Variants in TENM3 observed in about 807,000 individuals in gnomAD.
The protein encoded by TENM3 is teneurin transmembrane protein 3.
In TENM3, 63 loss-of-function variants were observed where a neutral mutation model predicts 255.1. The observed-to-expected ratio is 0.25, with a 90% confidence interval of 0.20 to 0.30. TENM3 has a LOEUF of 0.30. Ranked by LOEUF, TENM3 falls within the 10% of genes least tolerant of loss-of-function variation. TENM3 has a pLI of 1.00. For missense variants in TENM3, 2,929 were observed against 3,461.1 expected (o/e 0.85, Z 3.86); for synonymous variants, 1,306 against 1,322.3 (o/e 0.99, Z 0.27).
At chr4:181,983,845 A>G in the TENM3 span, among the ~76,000 whole-genome samples, 254 of 152,246 alleles carry the variant, frequency 1.7e-3, 11 homozygotes, top group South Asian at 0.051. Flanking sequence ...CTCGTCTCAA[A>G]AATCCCAAAT....
At chr4:181,568,162 C>CTT in the TENM3 span, among the ~76,000 whole-genome samples, 337 of 128,016 alleles carry the variant, frequency 2.6e-3, 4 homozygotes, top group African/African-American at 8.7e-3. Context: ...CCAACTAATA[C>CTT]TTTTTTTTTT....
chr4:181,633,544 C>A, the TENM3 span, among the ~76,000 whole-genome samples: 6 of 152,076 alleles, frequency 3.9e-5, no homozygotes, highest in African/African-American at 1.4e-4. Flanking sequence ...TTCTAAATGA[C>A]CCTGAGCCTT....
At chr4:182,791,969 A>G (rs747122140) in intron 25 of TENM3, among the ~76,000 whole-genome samples, 1 of 152,194 alleles carries the variant, frequency 6.6e-6, no homozygotes, top group Admixed American at 6.5e-5. Flanking sequence ...TCATGCCTGT[A>G]TTATGACTAA....
At chr4:181,939,742 A>G in the TENM3 span, among the ~76,000 whole-genome samples, 76 of 152,302 alleles carry the variant, frequency 5.0e-4, no homozygotes, top group African/African-American at 1.7e-3. Flanking sequence ...GGCCAGGGTG[A>G]GTGGAGAATA....
intron 12 of TENM3, among the ~76,000 whole-genome samples, chr4:182,697,172 A>T (rs1255030709): frequency 6.6e-6 from 1 of 152,162 alleles, no homozygotes; most frequent in African/African-American, 2.4e-5. Context: ...ACTGACTGTG[A>T]CTAATTCCTC....
intron 3 of TENM3, among the ~76,000 whole-genome samples, chr4:182,438,234 T>G (rs1293707500): frequency 6.6e-6 from 1 of 152,226 alleles, no homozygotes; most frequent in Non-Finnish European, 1.5e-5. Context: ...TCCTTTAGTG[T>G]GCAAACTATT....
chr4:182,636,661 G>A (rs867067127), intron 5 of TENM3, among the ~76,000 whole-genome samples: 2 of 151,466 alleles, frequency 1.3e-5, no homozygotes, highest in African/African-American at 4.8e-5. Flanking sequence ...AGGTTGCAGC[G>A]AGCAGAGATC....
At chr4:182,753,736 T>C (rs576350685) in intron 21 of TENM3, 132 bp downstream of exon 21, 2 of 700,492 alleles carry the variant, frequency 2.9e-6, no homozygotes, top group Non-Finnish European at 4.5e-6. Context: ...GGCAGTTCCA[T>C]TTACATGTAT....
Position 182,792,598 on chromosome 4 carries a change from G to C in TENM3, c.5926G>C (p.Val1976Leu), listed in dbSNP as rs1240525395. 1 of 1,614,006 alleles carries C rather than the reference G, an allele frequency of 6.2e-7. No individual in the cohort carries two copies. Among genetic ancestry groups the C allele is most frequent in the East Asian group, 2.2e-5 (1 of 44,886 alleles). The change falls in exon 26 of 28, where the codon GTC becomes CTC. Residue 1976 changes from valine to leucine, a missense_variant. Val to Leu is a conservative substitution (Grantham distance 32). This residue lies in a region of TENM3 where 303 missense variants were observed against 425.2 expected (regional missense o/e 0.71). Transcript: ENST00000511685. This position sits in a 1 kb window ranked among gnomAD's most constrained non-coding sequence, Gnocchi z 6.3. ...VSFTYDETAG[V>L]LKTVNLQSDG... ...TTTTACCTATGATGAAACAGCAGGA[G>C]TCCTAAAGACAGTAAACCTCCAGAG...
the TENM3 span, among the ~76,000 whole-genome samples, chr4:182,039,550 G>GA: frequency 1.3e-5 from 2 of 152,100 alleles, no homozygotes; most frequent in Non-Finnish European, 2.9e-5. Context: ...CCCACTGTGT[G>GA]AAAAAATCAG....
intron 3 of TENM3, among the ~76,000 whole-genome samples, chr4:182,348,924 C>T (rs895964758): frequency 2.6e-5 from 4 of 152,094 alleles, no homozygotes; most frequent in African/African-American, 9.7e-5. Flanking sequence ...TTAATATTAA[C>T]TAGAGGAGGA....
In TENM3 at chr4:182,574,483, C is replaced by G. The variant is rs148131718; in HGVS notation, c.512-26441C>G. ...TTAGTTTCTTGCTTTAGAAATGAAG[C>G]AAATGAATTCTCCTGAGCCACTATA... On this transcript the variant is annotated intron_variant, in intron 3 of 27. Transcript: ENST00000511685. Among the ~76,000 whole-genome samples the G allele has an allele frequency of 3.6e-4, 55 of 152,102 alleles. 1 individual carries two copies. The East Asian group carries it at 0.011, about 29-fold the overall frequency.
chr4:182,329,154 G>A (rs543976729), intron 2 of TENM3, among the ~76,000 whole-genome samples: 20 of 152,276 alleles, frequency 1.3e-4, no homozygotes, highest in African/African-American at 3.6e-4. Context: ...AGCAGTGATC[G>A]AGGGTACACA....
intron 1 of TENM3, among the ~76,000 whole-genome samples, chr4:182,231,501 C>T (rs976077923): frequency 2.0e-5 from 3 of 152,298 alleles, no homozygotes; most frequent in East Asian, 1.9e-4. Context: ...TCTCTGCCTC[C>T]GTGCCCATTT....
chr4:181,666,433 A>G, the TENM3 span, among the ~76,000 whole-genome samples: 1 of 152,172 alleles, frequency 6.6e-6, no homozygotes, highest in East Asian at 1.9e-4. Context: ...CCCCATTCCT[A>G]CAATTAAGCA....
At chr4:182,514,064 C>T (rs1035081050) in intron 3 of TENM3, among the ~76,000 whole-genome samples, 1 of 152,244 alleles carries the variant, frequency 6.6e-6, no homozygotes, top group Admixed American at 6.5e-5. Context: ...CTTTTTGTGG[C>T]CCTGTTGGGG....
At chr4:181,950,909 G>A in the TENM3 span, among the ~76,000 whole-genome samples, 1 of 152,056 alleles carries the variant, frequency 6.6e-6, no homozygotes, top group Non-Finnish European at 1.5e-5. Flanking sequence ...AGGCATGGTA[G>A]CATGTGCCTA....
chr4:182,026,555 G>C, the TENM3 span, among the ~76,000 whole-genome samples: 3 of 152,142 alleles, frequency 2.0e-5, no homozygotes, highest in Non-Finnish European at 4.4e-5. Flanking sequence ...GTCCTATAGA[G>C]TTTCCTCAGT....
At chr4:182,551,407 C>T (rs1036079552) in intron 3 of TENM3, among the ~76,000 whole-genome samples, 20 of 151,826 alleles carry the variant, frequency 1.3e-4, no homozygotes, top group Admixed American at 2.6e-4. Context: ...ATAACAGCAG[C>T]GGTGGTAGGA....
Sources: gnomAD v4.1 joint callset for allele counts (sites outside exome capture counted in the v4.1 genomes callset) on GRCh38, gnomAD v4.1.1 for gene constraint, gnomAD v4.1.1 regional missense constraint, Gnocchi (gnomAD v3.1) non-coding constraint, MANE v1.5 for transcripts, NCBI Gene and HGNC (gene_info 2026-07-23, HGNC 2026-07-21) for gene names.